The following VEZT variants were observed in gnomAD, a reference collection of about 807,000 sequenced individuals.
VEZT encodes the protein vezatin, adherens junctions transmembrane protein.
A neutral mutation model predicts 79.9 loss-of-function variants in VEZT; 39 were observed. The observed-to-expected ratio is 0.49, with a 90% CI of 0.38 to 0.64. The LOEUF is 0.64. VEZT is among the 30% of genes least tolerant of loss of function. VEZT has a pLI of 0.00. For synonymous variants in VEZT, 325 were observed against 327.6 expected (o/e 0.99, Z 0.09); for missense variants, 837 against 893.1 (o/e 0.94, Z 0.80).
intron 6 of VEZT, among the ~76,000 whole-genome samples, chr12:95,273,798 G>A (rs56357400): frequency 0.084 from 12,788 of 152,064 alleles, 576 homozygotes; most frequent in Middle Eastern, 0.12. Flanking sequence ...TGTTTAAATG[G>A]AATATTTATA....
At chr12:95,281,948 A>C (rs545174179) in intron 7 of VEZT, among the ~76,000 whole-genome samples, 10 of 152,086 alleles carry the variant, frequency 6.6e-5, no homozygotes, top group African/African-American at 1.9e-4. Context: ...AAATATATAT[A>C]TATATGTATA....
intron 8 of VEZT, among the ~76,000 whole-genome samples, chr12:95,284,009 G>A (rs192698960): frequency 2.6e-5 from 4 of 152,318 alleles, no homozygotes; most frequent in Admixed American, 6.5e-5. Context: ...AATATACGGC[G>A]CATATTAGAA....
At chr12:95,250,309 T>G (rs1476373758) in intron 1 of VEZT, among the ~76,000 whole-genome samples, 1 of 147,620 alleles carries the variant, frequency 6.8e-6, no homozygotes, top group Non-Finnish European at 1.5e-5. Context: ...TTTAATTTTT[T>G]TTTTTTTTTG....
At chr12:95,257,815 T>A (rs1358462473) in intron 3 of VEZT, among the ~76,000 whole-genome samples, 1 of 151,972 alleles carries the variant, frequency 6.6e-6, no homozygotes, top group Non-Finnish European at 1.5e-5. Flanking sequence ...TCTGCTGGCC[T>A]GTAACCTTAA....
intron 8 of VEZT, among the ~76,000 whole-genome samples, chr12:95,284,268 C>T (rs868283282): frequency 3.3e-5 from 5 of 152,306 alleles, no homozygotes; most frequent in Middle Eastern, 6.8e-3. Flanking sequence ...CTACATACAA[C>T]TTTTTGAATT....
rs373340086 is a variant in VEZT at position 95,300,464 on chromosome 12, C to G, written c.2131C>G (p.Pro711Ala). ...QADGSGLTTA[P>A]PTPRDSLQPS... ...AGATGGAAGTGGTCTGACCACTGCC[C>G]CTCCAACTCCCAGGGACTCATTACA... The change falls in exon 12 of 12, where the codon CCT (proline) becomes GCT (alanine). Residue 711 changes from proline (P) to alanine (A), a missense_variant. Coordinates refer to ENST00000436874, the MANE Select transcript of VEZT (RefSeq NM_017599.4). The G allele has an allele frequency of 3.1e-6, 5 of 1,613,768 alleles. No homozygotes were observed. The highest frequency in any genetic ancestry group is 4.2e-6 in the Non-Finnish European group (5 of 1,179,850).
chr12:95,257,696 C>T (rs1380593530), intron 3 of VEZT, among the ~76,000 whole-genome samples: 3 of 152,090 alleles, frequency 2.0e-5, no homozygotes, highest in Admixed American at 6.5e-5. Flanking sequence ...AACCTTCTGA[C>T]GTCCTAACAA....
intron 1 of VEZT, 33 bp downstream of exon 1, chr12:95,217,919 C>T (rs1294499652): frequency 6.8e-7 from 1 of 1,478,612 alleles, no homozygotes. Flanking sequence ...TGTGGATTGC[C>T]TTTGTTTGAG....
At chr12:95,256,852 T>C (rs1194873664) in intron 2 of VEZT, among the ~76,000 whole-genome samples, 2 of 152,236 alleles carry the variant, frequency 1.3e-5, no homozygotes, top group Admixed American at 1.3e-4. Context: ...GAATGACTTC[T>C]GCCTGCTCTT....
At chr12:95,266,207 G>A (rs55733441) in intron 4 of VEZT, 150 bp from the exon 5 acceptor site, 274 of 882,802 alleles carry the variant, frequency 3.1e-4, no homozygotes, top group Middle Eastern at 4.9e-4. Flanking sequence ...CTTCTTAAAT[G>A]TCATATATTT....
At chr12:95,235,780 G>A (rs1463258647) in intron 1 of VEZT, among the ~76,000 whole-genome samples, 4 of 151,846 alleles carry the variant, frequency 2.6e-5, no homozygotes, top group African/African-American at 4.8e-5. Flanking sequence ...CTTCCCAGAC[G>A]GGGTGGCTGC....
intron 2 of VEZT, 29 bp downstream of exon 2, chr12:95,252,100 C>A: frequency 6.3e-7 from 1 of 1,590,934 alleles, no homozygotes; most frequent in South Asian, 1.2e-5. Context: ...TCTTTCTGGC[C>A]GAATCTTTTG....
In VEZT at chr12:95,240,073, G is replaced by GAAGGAAGGAAGGAAGGAAGGAAAGA. The variant is rs1491323550; in HGVS notation, c.37-11864_37-11863insGAAGGAAGGAAGGAAGGAAAGAAAG. 5.4e-4 allele frequency among the ~76,000 whole-genome samples: 53 copies of GAAGGAAGGAAGGAAGGAAGGAAAGA among 98,992 alleles called. 1 individual carries two copies. The highest frequency in any genetic ancestry group is 7.3e-4 in the Non-Finnish European group (31 of 42,756). 64.9% of individuals were successfully genotyped at this position (98,992 alleles called of 152,430 possible). A position where few individuals can be genotyped will look rare whatever the true frequency, so the allele number is the denominator to read the frequency against. ...GGAAGGAAGGAAGGAAGGAAGGAAGGAAGAAAAGAAAGAGGAAAACAGAAA... is the reference window on the plus strand; with the variant it reads ...GGAAGGAAGGAAGGAAGGAAGGAAGGAAGGAAGGAAGGAAGGAAGGAAAGAAAGAAAAGAAAGAGGAAAACAGAAA... On this transcript the variant is annotated intron_variant, in intron 1 of 11. Coordinates refer to ENST00000436874, the MANE Select transcript of VEZT (RefSeq NM_017599.4).
Position 95,300,376 on chromosome 12 carries a change from C to T in VEZT, c.2043C>T (p.Val681=). ...ATAAAGATAATTCTTCAAATGAAGT[C>T]TTCCCCCAAGGAGCAGAAGAAAGAA... The part of the protein sequence containing the change: ...GKNKDNSSNE[V]FPQGAEERMC... The change falls in exon 12 of 12, where the codon GTC becomes GTT. Residue 681 remains valine (V), a synonymous_variant. Transcript: ENST00000436874. 6.2e-7 allele frequency: 1 copy of T among 1,613,790 alleles called. No individual in the cohort carries two copies. Among genetic ancestry groups the T allele is most frequent in the South Asian group, 1.1e-5 (1 of 91,022 alleles).
Position 95,282,192 on chromosome 12 carries a change from TTTA to T in VEZT, c.997-115_997-113del, listed in dbSNP as rs1031256802. 7.1e-5 allele frequency: 61 copies of T among 854,342 alleles called. No individual in the cohort carries two copies. In the African/African-American group the frequency reaches 9.7e-4, roughly 14 times the overall value. 52.9% of individuals were successfully genotyped at this position (854,342 alleles called of 1,614,324 possible). Reference sequence around the variant, plus strand: ...TTAAGGTAGTTTAAGTTCGGCTATATTTATTATTTAGGATAAAGTGCAAAATTT... The same window carrying T: ...TTAAGGTAGTTTAAGTTCGGCTATATTTATTTAGGATAAAGTGCAAAATTT... On this transcript the variant is annotated intron_variant, in intron 7 of 11. Coordinates refer to ENST00000436874, the MANE Select transcript of VEZT (RefSeq NM_017599.4).
At chr12:95,244,688 A>T (rs945061113) in intron 1 of VEZT, among the ~76,000 whole-genome samples, 2 of 151,326 alleles carry the variant, frequency 1.3e-5, no homozygotes, top group African/African-American at 4.9e-5. Context: ...CCCAGGTTTA[A>T]ACCATCCTCC....
intron 5 of VEZT, among the ~76,000 whole-genome samples, chr12:95,268,312 G>T (rs2065921039): frequency 6.6e-6 from 1 of 151,890 alleles, no homozygotes; most frequent in Non-Finnish European, 1.5e-5. Flanking sequence ...TGGCTAACAC[G>T]GTGAAACCCC....
chr12:95,255,306 G>C (rs1367857288), intron 2 of VEZT, among the ~76,000 whole-genome samples: 1 of 152,100 alleles, frequency 6.6e-6, no homozygotes, highest in Admixed American at 6.6e-5. Context: ...CGCTGACATA[G>C]CCTTGGTCAT....
At chr12:95,234,820 G>A (rs1034919450) in intron 1 of VEZT, among the ~76,000 whole-genome samples, 1 of 152,196 alleles carries the variant, frequency 6.6e-6, no homozygotes, top group East Asian at 1.9e-4. Context: ...CGCAGTGTTT[G>A]TGTCCCTGGG....
Sources: allele counts gnomAD v4.1 joint callset (sites outside exome capture counted in the v4.1 genomes callset), GRCh38; gene constraint gnomAD v4.1.1; transcripts MANE v1.5; gene names NCBI Gene and HGNC (gene_info 2026-07-23, HGNC 2026-07-21).